CFAP43: variants seen among roughly 807,000 people sequenced by gnomAD.
CFAP43 encodes cilia and flagella associated protein 43, also known as cilia- and flagella-associated protein 43.
Under a neutral mutation model 218.9 loss-of-function variants are expected in CFAP43, and 155 were observed. That is an observed-to-expected ratio of 0.71 (90% CI 0.62 to 0.81). CFAP43 has a LOEUF of 0.81. Among genes scored for constraint, CFAP43 ranks in the 30% least tolerant of loss-of-function variants. CFAP43 has a pLI of 0.00. For missense variants in CFAP43, 1,778 were observed against 1,954.3 expected (o/e 0.91, Z 1.70); for synonymous variants, 645 against 681.3 (o/e 0.95, Z 0.83).
At chr10:104,152,838 G>C in intron 27 of CFAP43, 112 bp from the exon 28 acceptor site, 3 of 1,172,062 alleles carry the variant, frequency 2.6e-6, no homozygotes, top group Non-Finnish European at 3.6e-6. Context: ...CCCTTGCAAG[G>C]TGTTCTGGGC....
chr10:104,181,044 C>A (rs1231772443), intron 17 of CFAP43, among the ~76,000 whole-genome samples: 1 of 152,174 alleles, frequency 6.6e-6, no homozygotes, highest in Non-Finnish European at 1.5e-5. Flanking sequence ...ACCCAAGGTT[C>A]ATCTATCCAA....
At chr10:104,202,222 C>T (rs2090554890) in intron 8 of CFAP43, among the ~76,000 whole-genome samples, 1 of 152,210 alleles carries the variant, frequency 6.6e-6, no homozygotes, top group African/African-American at 2.4e-5. Context: ...TCCACTATTT[C>T]TTACATTATT....
intron 8 of CFAP43, 138 bp from the exon 9 acceptor site, chr10:104,198,176 C>T (rs2090430620): frequency 9.8e-6 from 5 of 509,438 alleles, no homozygotes; most frequent in South Asian, 3.2e-5. Context: ...CTCAGTAAGA[C>T]CTTGACCCTG....
At chr10:104,211,979 C>G (rs749962109) in intron 5 of CFAP43, 28 bp downstream of exon 5, 3 of 1,604,452 alleles carry the variant, frequency 1.9e-6, no homozygotes. Flanking sequence ...ACCCATTAGG[C>G]AAACAGGAAG....
At chr10:104,213,641 T>C (rs111335719) in intron 4 of CFAP43, among the ~76,000 whole-genome samples, 16,939 of 152,112 alleles carry the variant, frequency 0.11, 1,010 homozygotes, top group Middle Eastern at 0.2. Flanking sequence ...GTTCAAGTGA[T>C]TCTCCTGTCT....
At position 104,132,155 on chromosome 10, in the gene CFAP43, C is replaced by A. The variant is rs369390375; in HGVS notation, c.4638G>T (p.Gln1546His). 3.7e-6 allele frequency: 6 copies of A among 1,605,828 alleles called. No individual in the cohort carries two copies. The African/African-American group carries it at 8.0e-5, about 22-fold the overall frequency. Reference protein sequence around the residue: ...EPNYEALISIQIGIMEQTIAV... With the variant: ...EPNYEALISIHIGIMEQTIAV... ...CAATGGTTTGTTCCATTATTCCAATCTGAATACTAATCAGAGCCTCATAGT... is the reference window on the plus strand; with the variant it reads ...CAATGGTTTGTTCCATTATTCCAATATGAATACTAATCAGAGCCTCATAGT... The change falls in exon 36 of 38, where the codon CAG (glutamine) becomes CAT (histidine). Residue 1546 changes from glutamine (Q) to histidine (H), a missense_variant. Coordinates refer to ENST00000357060, the MANE Select transcript of CFAP43 (RefSeq NM_025145.7).
chr10:104,217,202 A>G (rs2091035166), intron 3 of CFAP43, among the ~76,000 whole-genome samples: 1 of 152,190 alleles, frequency 6.6e-6, no homozygotes, highest in Non-Finnish European at 1.5e-5. Flanking sequence ...GCCACTCACA[A>G]TGAGGACCTA....
At position 104,227,316 on chromosome 10, in the gene CFAP43, G is replaced by A. The variant is rs556071340; in HGVS notation, c.320-1759C>T. On this transcript the variant is annotated intron_variant, in intron 2 of 37. Coordinates refer to ENST00000357060, the MANE Select transcript of CFAP43 (RefSeq NM_025145.7). ...TAACCATTTCCTAAAAATTGAATTC[G>A]TCTTGAAGTGAGTATACTGGGTCAA... 5.3e-5 allele frequency among the ~76,000 whole-genome samples: 8 copies of A among 152,040 alleles called. No individual in the cohort carries two copies. In the South Asian group the frequency reaches 6.2e-4, roughly 12 times the overall value.
At chr10:104,132,577 T>G (rs1185608461) in intron 35 of CFAP43, 3 of 896,318 alleles carry the variant, frequency 3.3e-6, no homozygotes, top group Non-Finnish European at 4.0e-6. Context: ...ATCACACCAT[T>G]GCACTCCACC....
intron 27 of CFAP43, 101 bp from the exon 28 acceptor site, chr10:104,152,827 G>A (rs961822179): frequency 2.7e-5 from 36 of 1,323,750 alleles, no homozygotes; most frequent in Non-Finnish European, 3.7e-5. Context: ...ATGGAGGGCA[G>A]CCCTTGCAAG....
intron 34 of CFAP43, among the ~76,000 whole-genome samples, chr10:104,135,128 G>A (rs559785350): frequency 1.3e-5 from 2 of 151,620 alleles, no homozygotes; most frequent in South Asian, 4.2e-4. Flanking sequence ...AAACTCACAT[G>A]ATCATGTCAA....
intron 12 of CFAP43, 131 bp from the exon 13 acceptor site, chr10:104,188,541 A>T: frequency 8.4e-7 from 1 of 1,191,802 alleles, no homozygotes. Flanking sequence ...TTTGCTGGAC[A>T]TTTAAAGTGA....
intron 29 of CFAP43, among the ~76,000 whole-genome samples, chr10:104,146,660 G>A (rs368972929): frequency 1.3e-5 from 2 of 152,050 alleles, no homozygotes; most frequent in Non-Finnish European, 2.9e-5. Flanking sequence ...CATGGACCTG[G>A]GTTCTGAGAG....
intron 17 of CFAP43, among the ~76,000 whole-genome samples, chr10:104,180,884 C>T (rs1292170253): frequency 1.3e-5 from 2 of 152,156 alleles, no homozygotes; most frequent in Non-Finnish European, 2.9e-5. Context: ...GAACTCTTCT[C>T]CTGCCTCTCC....
chr10:104,153,780 C>T (rs538195008), intron 27 of CFAP43, among the ~76,000 whole-genome samples: 1 of 148,886 alleles, frequency 6.7e-6, no homozygotes, highest in Admixed American at 6.7e-5. Flanking sequence ...CTCTCTCTCT[C>T]TCTTCTCTCT....
In CFAP43 at chr10:104,207,716, C is replaced by T. The variant is rs2134961431; in HGVS notation, c.844G>A (p.Asp282Asn). The change falls in exon 6 of 38, where the codon GAC becomes AAC. Residue 282 changes from aspartate (D) to asparagine (N), a missense_variant. Physicochemically the swap from Asp to Asn is conservative, Grantham distance 23. Around this residue, in one of 3 missense-constraint regions of CFAP43, gnomAD observed 1,553 missense variants for 1,685.2 expected, o/e 0.92. Transcript: ENST00000357060. ...EEGHLLMING[D>N]TLQVTVLNKI... ...TTAAGTACAGTCACTTGCAAGGTGT[C>T]TCCATTAATCATTAAAAGATGACCC... is the stretch of plus-strand genomic sequence containing the variant. The T allele has an allele frequency of 1.2e-6, 2 of 1,614,142 alleles. No homozygotes were observed. The highest frequency in any genetic ancestry group is 1.3e-5 in the African/African-American group (1 of 75,056).
chr10:104,167,966 G>A (rs372901663), intron 21 of CFAP43, among the ~76,000 whole-genome samples: 71 of 152,292 alleles, frequency 4.7e-4, no homozygotes, highest in African/African-American at 1.6e-3. Flanking sequence ...TTTTAGGTCA[G>A]TAGTTCTCAA....
chr10:104,191,528 A>C (rs748184640), intron 12 of CFAP43, among the ~76,000 whole-genome samples: 1 of 152,048 alleles, frequency 6.6e-6, no homozygotes, highest in Non-Finnish European at 1.5e-5. Flanking sequence ...CACTTGGCAG[A>C]ATGAATTGCT....
At chr10:104,140,073 A>G (rs2087635592) in intron 34 of CFAP43, among the ~76,000 whole-genome samples, 1 of 152,210 alleles carries the variant, frequency 6.6e-6, no homozygotes, top group South Asian at 2.1e-4. Context: ...GAAAATTAAA[A>G]CACAAAATAT....
Sources: gnomAD v4.1 joint callset for allele counts (sites outside exome capture counted in the v4.1 genomes callset) on GRCh38, gnomAD v4.1.1 for gene constraint, gnomAD v4.1.1 regional missense constraint, MANE v1.5 for transcripts, NCBI Gene and HGNC (gene_info 2026-07-23, HGNC 2026-07-21) for gene names.